PLCE1: variants seen among roughly 807,000 people sequenced by gnomAD.
The protein encoded by PLCE1 is 1-phosphatidylinositol 4,5-bisphosphate phosphodiesterase epsilon-1.
PLCE1 carries 119 observed loss-of-function variants against 242.8 expected under a neutral mutation model. That is an observed-to-expected ratio of 0.49 (90% CI 0.42 to 0.57). The LOEUF (loss-of-function observed/expected upper bound fraction) is 0.57. PLCE1 is among the 20% of genes least tolerant of loss of function. The pLI is 0.00. For missense variants in PLCE1, 2,441 were observed against 2,788.8 expected (o/e 0.88, Z 2.81); for synonymous variants, 945 against 1,017.4 (o/e 0.93, Z 1.35).
intron 3 of PLCE1, among the ~76,000 whole-genome samples, chr10:94,141,657 A>AG (rs545734863): frequency 4.7e-5 from 5 of 106,192 alleles, no homozygotes; most frequent in East Asian, 3.0e-4. Context: ...AGGAAAGAAG[A>AG]AAGGGAGGGA....
At chr10:94,255,746 A>T (rs987947907) in intron 11 of PLCE1, among the ~76,000 whole-genome samples, 3 of 152,132 alleles carry the variant, frequency 2.0e-5, no homozygotes, top group Non-Finnish European at 2.9e-5. Flanking sequence ...CAGAAGAAGG[A>T]ATGATATTAA....
chr10:94,154,226 C>CA (rs749123963), intron 3 of PLCE1, among the ~76,000 whole-genome samples: 9 of 152,108 alleles, frequency 5.9e-5, no homozygotes, highest in Non-Finnish European at 8.8e-5. Flanking sequence ...GGGGAAGGAA[C>CA]AAGCCTTCCA....
intron 5 of PLCE1, among the ~76,000 whole-genome samples, chr10:94,229,201 C>CAAAAAAAAAAA (rs35857376): frequency 2.0e-5 from 3 of 148,588 alleles, no homozygotes; most frequent in East Asian, 2.0e-4. Flanking sequence ...AACAAACAAA[C>CAAAAAAAAAAA]AAAAAAAAAC....
Position 94,171,479 on chromosome 10 carries a change from G to A in PLCE1, c.1792G>A (p.Val598Met), listed in dbSNP as rs755841557. The A allele has an allele frequency of 2.5e-6, 4 of 1,614,034 alleles. No individual in the cohort carries two copies. Among genetic ancestry groups the A allele is most frequent in the Non-Finnish European group, 2.5e-6 (3 of 1,179,914 alleles). The part of the protein sequence containing the change: ...NGEHNALEDL[V>M]MRFNEVSSWV... Reference sequence around the variant, plus strand: ...AGAGCACAATGCCCTTGAAGATCTGGTGATGAGGTTTAATGAGGTAAGAAG... The same window carrying A: ...AGAGCACAATGCCCTTGAAGATCTGATGATGAGGTTTAATGAGGTAAGAAG... The change falls in exon 4 of 33, where the codon GTG becomes ATG. Residue 598 changes from valine (V) to methionine (M), a missense_variant. Coordinates refer to ENST00000371380, the MANE Select transcript of PLCE1 (RefSeq NM_016341.4).
At chr10:94,052,605 G>GAACT (rs1400458916) in intron 2 of PLCE1, among the ~76,000 whole-genome samples, 3 of 152,106 alleles carry the variant, frequency 2.0e-5, no homozygotes, top group Non-Finnish European at 4.4e-5. Context: ...AGCAAAAAGG[G>GAACT]AACTCTTTTT....
chr10:94,219,907 G>A (rs1034197843), intron 4 of PLCE1, among the ~76,000 whole-genome samples: 3 of 152,094 alleles, frequency 2.0e-5, no homozygotes, highest in African/African-American at 7.2e-5. Flanking sequence ...AATCTGAGCT[G>A]TGTTTGAGGC....
At chr10:94,221,332 A>C (rs533205588) in intron 4 of PLCE1, among the ~76,000 whole-genome samples, 8 of 152,228 alleles carry the variant, frequency 5.3e-5, no homozygotes, top group Non-Finnish European at 1.0e-4. Context: ...GTGCATGCAC[A>C]CATGTGCATG....
At chr10:94,141,167 GT>G (rs2046943622) in intron 3 of PLCE1, among the ~76,000 whole-genome samples, 1 of 152,192 alleles carries the variant, frequency 6.6e-6, no homozygotes, top group South Asian at 2.1e-4. Flanking sequence ...ACAAAAACCT[GT>G]TTTAGGACCA....
At chr10:94,007,381 G>A (rs2061058919) in intron 1 of PLCE1, among the ~76,000 whole-genome samples, 1 of 152,104 alleles carries the variant, frequency 6.6e-6, no homozygotes, top group Non-Finnish European at 1.5e-5. Flanking sequence ...CATTAGCATT[G>A]TTGGCTGTAA....
chr10:94,240,526 G>T (rs1046932679), intron 7 of PLCE1, among the ~76,000 whole-genome samples: 1 of 152,088 alleles, frequency 6.6e-6, no homozygotes, highest in African/African-American at 2.4e-5. Flanking sequence ...AACAGCTGTG[G>T]CAAGTCCTTT....
At chr10:94,018,955 G>T (rs959227338) in intron 1 of PLCE1, among the ~76,000 whole-genome samples, 7 of 152,070 alleles carry the variant, frequency 4.6e-5, no homozygotes, top group Admixed American at 2.0e-4. Flanking sequence ...AGTGCTGAAG[G>T]GGTGATTTAA....
intron 7 of PLCE1, among the ~76,000 whole-genome samples, chr10:94,240,080 C>T (rs2050453709): frequency 6.6e-6 from 1 of 152,152 alleles, no homozygotes; most frequent in Non-Finnish European, 1.5e-5. Flanking sequence ...TAACAGAGAC[C>T]ATTTTCCCAC....
rs1482772158 is a variant in PLCE1, at chr10:94,132,279, G to A, written c.1312G>A (p.Val438Ile). The change falls in exon 3 of 33, where the codon GTT becomes ATT. Residue 438 changes from valine to isoleucine, a missense_variant. Val to Ile is a conservative substitution (Grantham distance 29). Transcript: ENST00000371380. ...ASETAHGRIS[V>I]GPCLKQCVRD... is the part of the protein sequence containing the mutation. ...CGAGACAGCCCATGGAAGGATAAGCGTTGGTCCATGCTTAAAGCAATGTGT... is the reference window on the plus strand; with the variant it reads ...CGAGACAGCCCATGGAAGGATAAGCATTGGTCCATGCTTAAAGCAATGTGT... The A allele has an allele frequency of 1.3e-5, 21 of 1,613,766 alleles. No individual in the cohort carries two copies. Among genetic ancestry groups the A allele is most frequent in the South Asian group, 4.4e-5 (4 of 91,054 alleles).
chr10:94,089,042 G>A, intron 2 of PLCE1: 1 of 1,595,712 alleles, frequency 6.3e-7, no homozygotes, highest in Non-Finnish European at 8.6e-7. Flanking sequence ...CACGTTGCAG[G>A]ATTTTTCACT....
rs1272009829 is a variant in PLCE1, at chr10:94,132,096, CT to C, written c.1207-76del. The C allele has an allele frequency of 3.6e-6, 5 of 1,406,990 alleles. No homozygotes were observed. In the African/African-American group the frequency reaches 7.1e-5, roughly 20 times the overall value. 87.2% of individuals were successfully genotyped at this position (1,406,990 alleles called of 1,614,324 possible). On this transcript the variant is annotated intron_variant, in intron 2 of 32. Transcript: ENST00000371380. Reference sequence around the variant, plus strand: ...TGAGCCTTCTTTCTTAATAAGTCATCTTGGCATTTTGTCAACAAGTTAATTT... The same window carrying C: ...TGAGCCTTCTTTCTTAATAAGTCATCTGGCATTTTGTCAACAAGTTAATTT...
chr10:94,313,337 T>C lies in PLCE1; in HGVS notation c.6087T>C (p.Val2029=), dbSNP rs746191366. The change falls in exon 28 of 33, where the codon GTT becomes GTC. Residue 2029 remains valine, a synonymous_variant. Coordinates refer to ENST00000371380, the MANE Select transcript of PLCE1 (RefSeq NM_016341.4). ...HGVPGPEPFT[V]FTINGGTKAK... ...TCCCAGGGCCAGAGCCCTTTACCGT[T>C]TTCACTATTAATGGAGGCACCAAGG... The C allele has an allele frequency of 6.2e-7, 1 of 1,614,150 alleles. No individual in the cohort carries two copies. The highest frequency in any genetic ancestry group is 1.1e-5 in the South Asian group (1 of 91,082).
At chr10:94,198,918 G>A (rs910466728) in intron 4 of PLCE1, among the ~76,000 whole-genome samples, 4 of 152,136 alleles carry the variant, frequency 2.6e-5, no homozygotes, top group Non-Finnish European at 5.9e-5. Context: ...TGGGCATGGT[G>A]GCACGCACCT....
chr10:94,016,432 G>A (rs998051073), intron 1 of PLCE1, among the ~76,000 whole-genome samples: 1 of 152,046 alleles, frequency 6.6e-6, no homozygotes, highest in Admixed American at 6.5e-5. Flanking sequence ...ATAGCTTAAA[G>A]GTAATTTTAT....
intron 13 of PLCE1, 80 bp downstream of exon 13, chr10:94,259,230 T>C: frequency 7.2e-7 from 1 of 1,397,830 alleles, no homozygotes. Context: ...ACACAAACTC[T>C]GAGCCTGTCC....
Sources: allele counts gnomAD v4.1 joint callset (sites outside exome capture counted in the v4.1 genomes callset), GRCh38; gene constraint gnomAD v4.1.1; transcripts MANE v1.5; gene names NCBI Gene and HGNC (gene_info 2026-07-23, HGNC 2026-07-21).